DNAH11: variants seen among roughly 807,000 people sequenced by gnomAD.
The protein encoded by DNAH11 is dynein axonemal heavy chain 11.
Under a neutral mutation model 526.0 loss-of-function variants are expected in DNAH11, and 442 were observed. The observed-to-expected ratio is 0.84, with a 90% CI of 0.78 to 0.91. The LOEUF (loss-of-function observed/expected upper bound fraction) is 0.91. DNAH11 is among the 40% of genes least tolerant of loss of function. The pLI is 0.00. For missense variants in DNAH11, 6,989 were observed against 5,448.7 expected (o/e 1.28, Z -8.90); for synonymous variants, 2,461 against 1,935.9 (o/e 1.27, Z -7.12).
At chr7:21,633,045 C>A (rs552325372) in intron 25 of DNAH11, among the ~76,000 whole-genome samples, 2 of 152,190 alleles carry the variant, frequency 1.3e-5, no homozygotes, top group African/African-American at 4.8e-5. Flanking sequence ...GACAAGACAG[C>A]TTGTGCTGGC....
At chr7:21,578,128 T>G (rs956200322) in intron 8 of DNAH11, among the ~76,000 whole-genome samples, 1 of 152,156 alleles carries the variant, frequency 6.6e-6, no homozygotes, top group Non-Finnish European at 1.5e-5. Flanking sequence ...CACATACTTT[T>G]AAACCATCAG....
chr7:21,571,729 A>T, intron 7 of DNAH11, 77 bp from the exon 8 acceptor site: 1 of 1,128,294 alleles, frequency 8.9e-7, no homozygotes, highest in Non-Finnish European at 1.2e-6. Context: ...AACATTTGAA[A>T]ATGTTCTTGA....
intron 2 of DNAH11, among the ~76,000 whole-genome samples, chr7:21,550,559 G>T (rs541717983): frequency 1.3e-4 from 19 of 141,366 alleles, no homozygotes; most frequent in African/African-American, 5.1e-4. Context: ...TTGGTTCAAG[G>T]CATTTTAAAG....
rs371438607 is a variant in DNAH11 at position 21,866,507 on chromosome 7, G to A, written c.11534G>A (p.Arg3845Gln). Residue 3845 changes from arginine to glutamine, a missense_variant, in exon 71 of 82, where the codon CGA (arginine) becomes CAA (glutamine). Coordinates refer to ENST00000409508, the MANE Select transcript of DNAH11 (RefSeq NM_001277115.2). ...ATGGAAGAATTTCGAGGCATAGACC[G>A]AGATGTGGAAGGATCTGCCAAGCAG... ...AVMEEFRGIDRDVEGSAKQWR... is the reference protein window; with the variant it reads ...AVMEEFRGIDQDVEGSAKQWR... 34 of 1,613,190 alleles carry A rather than the reference G, an allele frequency of 2.1e-5. No individual in the cohort carries two copies. Among genetic ancestry groups the A allele is most frequent in the African/African-American group, 9.4e-5 (7 of 74,844 alleles).
intron 42 of DNAH11, among the ~76,000 whole-genome samples, chr7:21,712,565 A>G (rs867365290): frequency 2.0e-4 from 30 of 152,218 alleles, no homozygotes; most frequent in African/African-American, 4.8e-4. Flanking sequence ...AACAGTAGCC[A>G]TGCTAATGGG....
intron 42 of DNAH11, among the ~76,000 whole-genome samples, chr7:21,717,326 T>C (rs914954198): frequency 1.3e-5 from 2 of 152,086 alleles, no homozygotes; most frequent in African/African-American, 2.4e-5. Flanking sequence ...GGAGACACTT[T>C]GAAATAGCCC....
chr7:21,809,809 A>C (rs921619412), intron 63 of DNAH11, among the ~76,000 whole-genome samples: 1 of 151,616 alleles, frequency 6.6e-6, no homozygotes, highest in South Asian at 2.1e-4. Context: ...CAGGTGATTC[A>C]CCCGCCTCAG....
At chr7:21,733,620 A>G (rs1173215805) in intron 45 of DNAH11, among the ~76,000 whole-genome samples, 1 of 152,242 alleles carries the variant, frequency 6.6e-6, no homozygotes, top group South Asian at 2.1e-4. Context: ...TGTATTCAAC[A>G]GAGAACCTAT....
At chr7:21,556,854 G>C (rs1361355725) in intron 2 of DNAH11, among the ~76,000 whole-genome samples, 2 of 152,098 alleles carry the variant, frequency 1.3e-5, no homozygotes, top group African/African-American at 4.8e-5. Context: ...TTGAGGCCAG[G>C]AGTTTGAAAC....
intron 48 of DNAH11, among the ~76,000 whole-genome samples, chr7:21,740,104 A>G (rs772031607): frequency 2.0e-5 from 3 of 152,182 alleles, no homozygotes; most frequent in Non-Finnish European, 2.9e-5. Flanking sequence ...ACAGTATCAT[A>G]TAGAATAGTG....
intron 35 of DNAH11, among the ~76,000 whole-genome samples, chr7:21,695,531 G>A (rs1783813000): frequency 6.6e-6 from 1 of 152,134 alleles, no homozygotes; most frequent in East Asian, 1.9e-4. Flanking sequence ...TGGTAAAACT[G>A]GCTAGCCATA....
At chr7:21,693,324 G>A (rs1244199143) in intron 35 of DNAH11, among the ~76,000 whole-genome samples, 2 of 152,152 alleles carry the variant, frequency 1.3e-5, no homozygotes, top group Admixed American at 1.3e-4. Flanking sequence ...GATAAGCTCC[G>A]CTTGGTCAGG....
intron 43 of DNAH11, among the ~76,000 whole-genome samples, chr7:21,718,196 T>C (rs1430947575): frequency 6.6e-6 from 1 of 152,086 alleles, no homozygotes; most frequent in Non-Finnish European, 1.5e-5. Flanking sequence ...CTGATTTTTT[T>C]TTAGTATCCC....
chr7:21,651,863 G>A (rs1228915926), intron 28 of DNAH11, among the ~76,000 whole-genome samples: 2 of 152,236 alleles, frequency 1.3e-5, no homozygotes, highest in East Asian at 1.9e-4. Flanking sequence ...TAACAGATGT[G>A]CATCATCATC....
chr7:21,864,739 A>C, intron 70 of DNAH11, 82 bp downstream of exon 70: 1 of 1,355,622 alleles, frequency 7.4e-7, no homozygotes, highest in Non-Finnish European at 9.8e-7. Flanking sequence ...TAAACATTAA[A>C]GAATACAGGT....
At chr7:21,578,060 A>AG (rs1379833300) in intron 8 of DNAH11, among the ~76,000 whole-genome samples, 1 of 152,158 alleles carries the variant, frequency 6.6e-6, no homozygotes, top group African/African-American at 2.4e-5. Flanking sequence ...TGGAAGATGA[A>AG]GGGGAAGCAA....
At chr7:21,607,887 G>A (rs1340095537) in intron 20 of DNAH11, among the ~76,000 whole-genome samples, 2 of 132,260 alleles carry the variant, frequency 1.5e-5, no homozygotes, top group African/African-American at 2.8e-5. Context: ...GCAGTGAGCC[G>A]AGATTGCGCC....
intron 9 of DNAH11, among the ~76,000 whole-genome samples, chr7:21,586,460 T>A (rs1171495930): frequency 1.3e-5 from 2 of 152,220 alleles, no homozygotes; most frequent in Non-Finnish European, 2.9e-5. Context: ...TCTACTGTAG[T>A]TATAATTGCT....
Position 21,554,791 on chromosome 7 carries a change from C to G in DNAH11, c.496-4011C>G, listed in dbSNP as rs928783106. ...ATTTACAAAGCCAGTCTCTCCCTGT[C>G]TATGGGAGCTTCCCTAAGAGGGAAT... On this transcript the variant is annotated intron_variant, in intron 2 of 81. Coordinates refer to ENST00000409508, the MANE Select transcript of DNAH11 (RefSeq NM_001277115.2). Among the ~76,000 whole-genome samples the G allele has an allele frequency of 3.9e-5, 6 of 152,294 alleles. No homozygotes were observed. The East Asian group carries it at 5.8e-4, about 15-fold the overall frequency.
Sources: allele counts gnomAD v4.1 joint callset (sites outside exome capture counted in the v4.1 genomes callset), GRCh38; gene constraint gnomAD v4.1.1; transcripts MANE v1.5; gene names NCBI Gene and HGNC (gene_info 2026-07-23, HGNC 2026-07-21).